The following TREM1 variants were observed in gnomAD, a reference collection of about 807,000 sequenced individuals.
The protein encoded by TREM1 is triggering receptor expressed on monocytes 1.
TREM1 carries 16 observed loss-of-function variants against 22.4 expected under a neutral mutation model. That is an observed-to-expected ratio of 0.71 (90% CI 0.48 to 1.08). The LOEUF (loss-of-function observed/expected upper bound fraction) is 1.08, where lower values mean the gene tolerates loss of function less well. TREM1 is among the 50% of genes least tolerant of loss of function. TREM1 has a pLI of 0.00. For missense variants in TREM1, 283 were observed against 282.9 expected (o/e 1.00, Z 0.00); for synonymous variants, 110 against 111.6 (o/e 0.99, Z 0.09).
At chr6:41,283,547 TA>T (rs1768021982) in intron 1 of TREM1, among the ~76,000 whole-genome samples, 1 of 151,932 alleles carries the variant, frequency 6.6e-6, no homozygotes, top group Admixed American at 6.6e-5. Context: ...TTGCCTCTAC[TA>T]AAAATACAAA....
intron 1 of TREM1, among the ~76,000 whole-genome samples, chr6:41,283,137 G>A (rs527958669): frequency 6.6e-5 from 10 of 152,256 alleles, no homozygotes; most frequent in Middle Eastern, 3.4e-3. Context: ...AAAAGTGAAC[G>A]CAAAGACACG....
At chr6:41,269,592 G>A (rs73735827), downstream of TREM1, among the ~76,000 whole-genome samples, 5,889 of 152,218 alleles carry the variant, frequency 0.039, 230 homozygotes, top group African/African-American at 0.1. Context: ...TTTCTCTAGC[G>A]GCCCTCTGCC....
In TREM1 at chr6:41,282,520, C is replaced by A; in HGVS notation, c.281G>T (p.Gly94Val). 1 of 1,614,194 alleles carries A rather than the reference C, an allele frequency of 6.2e-7. No individual in the cohort carries two copies. Among genetic ancestry groups the A allele is most frequent in the Non-Finnish European group, 8.5e-7 (1 of 1,180,048 alleles). ...GTTGACCATTCGGACGCGCAGTAAACCATGATCATGGTAGTCTTCTAGTAT... is the reference window on the plus strand; with the variant it reads ...GTTGACCATTCGGACGCGCAGTAAAACATGATCATGGTAGTCTTCTAGTAT... The part of the protein sequence containing the change: ...RIILEDYHDH[G>V]LLRVRMVNLQ... Residue 94 changes from glycine to valine, a missense_variant, in exon 2 of 4, where the codon GGT becomes GTT. Coordinates refer to ENST00000244709, the MANE Select transcript of TREM1 (RefSeq NM_018643.5).
chr6:41,267,951 C>G, exon 4 of TREM1: 1 of 398,608 alleles, frequency 2.5e-6, no homozygotes, highest in Non-Finnish European at 4.4e-6. Context: ...CGTAGGTTTT[C>G]CTTTATAACA....
At chr6:41,276,279 C>A (rs1305707071) in intron 3 of TREM1, 49 bp from the exon 4 acceptor site, 3 of 1,387,512 alleles carry the variant, frequency 2.2e-6, no homozygotes, top group Non-Finnish European at 3.1e-6. Flanking sequence ...GTCTCTCCCA[C>A]ACGCACATGT....
rs774123814 is a variant in TREM1, at chr6:41,275,221, G to GGA, written c.*902_*903dup. 2 of 152,090 alleles carry GGA rather than the reference G, an allele frequency of 1.3e-5. No homozygotes were observed. The highest frequency in any genetic ancestry group is 2.4e-5 in the African/African-American group (1 of 41,362). 9.4% of individuals were successfully genotyped at this position (152,090 alleles called of 1,614,324 possible). On this transcript the variant is annotated 3_prime_UTR_variant, in exon 4 of 4. Coordinates refer to ENST00000244709, the MANE Select transcript of TREM1 (RefSeq NM_018643.5). ...GACAGCCTCCAGAAGCCTCCCAGGG[G>GGA]GAGAGCTTTTACTCCACCATCCCTG...
At chr6:41,282,877 C>A in intron 1 of TREM1, 126 bp from the exon 2 acceptor site, 1 of 846,620 alleles carries the variant, frequency 1.2e-6, no homozygotes, top group Non-Finnish European at 1.9e-6. Context: ...GTTCTTGAGG[C>A]CTCCAGAGAA....
downstream of TREM1, among the ~76,000 whole-genome samples, chr6:41,273,564 G>A (rs1767550764): frequency 6.6e-6 from 1 of 152,216 alleles, no homozygotes; most frequent in Admixed American, 6.5e-5. Context: ...CAACACTATT[G>A]TATCAGTCAA....
At chr6:41,280,891 C>T (rs1767879374) in intron 3 of TREM1, 70 bp downstream of exon 3, 1 of 1,610,124 alleles carries the variant, frequency 6.2e-7, no homozygotes, top group African/African-American at 1.3e-5. Flanking sequence ...TTCACATCCT[C>T]TCAGCACACA....
At chr6:41,281,933 T>C (rs923566650) in intron 2 of TREM1, 2 of 165,136 alleles carry the variant, frequency 1.2e-5, no homozygotes, top group Non-Finnish European at 2.7e-5. Context: ...ACCATCAGCA[T>C]TGGCATCACC....
downstream of TREM1, chr6:41,270,187 A>C (rs1045911460): frequency 2.0e-5 from 3 of 152,232 alleles, no homozygotes; most frequent in Non-Finnish European, 4.4e-5. Context: ...TCCTTCTAGC[A>C]GGCACATTTG....
In TREM1 at chr6:41,282,603, G is replaced by C. The variant is rs767097136; in HGVS notation, c.198C>G (p.Thr66=). Residue 66 remains threonine (T), a synonymous_variant, in exon 2 of 4, where the codon ACC becomes ACG. Coordinates refer to ENST00000244709, the MANE Select transcript of TREM1 (RefSeq NM_018643.5). ...QIIRDGEMPK[T]LACTERPSKN... is the part of the protein sequence containing the mutation. Reference sequence around the variant, plus strand: ...TTGAAGGCCTCTCTGTGCATGCCAGGGTCTTGGGCATCTCTCCGTCCCTTA... The same window carrying C: ...TTGAAGGCCTCTCTGTGCATGCCAGCGTCTTGGGCATCTCTCCGTCCCTTA... The C allele has an allele frequency of 6.2e-7, 1 of 1,614,048 alleles. No individual in the cohort carries two copies. Among genetic ancestry groups the C allele is most frequent in the Non-Finnish European group, 8.5e-7 (1 of 1,180,036 alleles).
chr6:41,278,302 G>A (rs1258670396), intron 3 of TREM1, among the ~76,000 whole-genome samples: 1 of 152,092 alleles, frequency 6.6e-6, no homozygotes, highest in Non-Finnish European at 1.5e-5. Flanking sequence ...GGCTACCTCT[G>A]CAGTGCCTCT....
chr6:41,269,561 A>G (rs546363448), downstream of TREM1, among the ~76,000 whole-genome samples: 56 of 152,362 alleles, frequency 3.7e-4, no homozygotes, highest in South Asian at 4.3e-3. Flanking sequence ...CTTGGCTCAT[A>G]GCACATGTTC....
chr6:41,272,615 G>A (rs1213537042), downstream of TREM1, among the ~76,000 whole-genome samples: 1 of 152,014 alleles, frequency 6.6e-6, no homozygotes, highest in Non-Finnish European at 1.5e-5. Flanking sequence ...AGCTTAGGTG[G>A]TTCTGAGGCA....
Position 41,281,158 on chromosome 6 carries a change from A to G in TREM1, c.407-5T>C. ...AGCCAGGGGTCCCTGAAAAACCTGC[A>G]AGAAGACACATTGGATGGATGGATG... On this transcript the variant is annotated splice_polypyrimidine_tract_variant and splice_region_variant and intron_variant, in intron 2 of 3. Coordinates refer to ENST00000244709, the MANE Select transcript of TREM1 (RefSeq NM_018643.5). 1 of 1,612,452 alleles carries G rather than the reference A, an allele frequency of 6.2e-7. No homozygotes were observed. Among genetic ancestry groups the G allele is most frequent in the Non-Finnish European group, 8.5e-7 (1 of 1,178,810 alleles).
At chr6:41,286,551 C>A (rs1166452971) in intron 1 of TREM1, 56 bp downstream of exon 1, 6 of 1,597,982 alleles carry the variant, frequency 3.8e-6, no homozygotes, top group East Asian at 2.2e-5. Flanking sequence ...CAGAAAAGGG[C>A]TCCCCGAGAT....
At chr6:41,270,262 A>G (rs889068268), downstream of TREM1, 5 of 152,434 alleles carry the variant, frequency 3.3e-5, no homozygotes, top group African/African-American at 1.2e-4. Context: ...CTGAGCAAAC[A>G]TGATTTCTTC....
At position 41,282,444 on chromosome 6, in the gene TREM1, G is replaced by A; in HGVS notation, c.357C>T (p.Pro119=). The A allele has an allele frequency of 6.2e-7, 1 of 1,614,052 alleles. No individual in the cohort carries two copies. Residue 119 remains proline (P), a synonymous_variant, in exon 2 of 4, where the codon CCC becomes CCT. Transcript: ENST00000244709. ...GLYQCVIYQP[P]KEPHMLFDRI... Reference sequence around the variant, plus strand: ...GATCGAACAGCATGTGAGGCTCCTTGGGAGGCTGGTAGATCACACACTGAT... The same window carrying A: ...GATCGAACAGCATGTGAGGCTCCTTAGGAGGCTGGTAGATCACACACTGAT...
Sources: gnomAD v4.1 joint callset for allele counts (sites outside exome capture counted in the v4.1 genomes callset) on GRCh38, gnomAD v4.1.1 for gene constraint, MANE v1.5 for transcripts, NCBI Gene and HGNC (gene_info 2026-07-23, HGNC 2026-07-21) for gene names.